Variants in GLIPR1L2 observed in about 807,000 individuals in gnomAD.
The protein encoded by GLIPR1L2 is GLIPR1-like protein 2.
Under a neutral mutation model 28.4 loss-of-function variants are expected in GLIPR1L2, and 21 were observed. The observed-to-expected ratio is 0.74, with a 90% CI of 0.52 to 1.06. The LOEUF (loss-of-function observed/expected upper bound fraction) is 1.06. Ranked by LOEUF, GLIPR1L2 falls within the 50% of genes least tolerant of loss-of-function variation. GLIPR1L2 has a pLI of 0.00. For synonymous variants in GLIPR1L2, 145 were observed against 139.3 expected (o/e 1.04, Z -0.29); for missense variants, 476 against 416.9 (o/e 1.14, Z -1.23).
At chr12:75,407,472 A>C (rs927677478) in intron 1 of GLIPR1L2, among the ~76,000 whole-genome samples, 3 of 152,144 alleles carry the variant, frequency 2.0e-5, no homozygotes, top group African/African-American at 7.2e-5. Context: ...ATAAAACAAA[A>C]TAAAGGGGAG....
In GLIPR1L2 at chr12:75,394,226, A is replaced by G. The variant is rs149584369; in HGVS notation, c.234+2876A>G. On this transcript the variant is annotated intron_variant, in intron 1 of 5. Transcript: ENST00000550916. ...GTTTTGTAAGTTGCCTTTGCACTCT[A>G]TTGATAATATCCTTTGATAAACAAA... Among the ~76,000 whole-genome samples the G allele has an allele frequency of 3.7e-3, 559 of 152,176 alleles. 2 individuals are homozygous for G. The highest frequency in any genetic ancestry group is 0.012 in the African/African-American group (511 of 41,566).
In GLIPR1L2 at chr12:75,431,151, A is replaced by G. The variant is rs776243928; in HGVS notation, c.1025A>G (p.Glu342Gly). 7.9e-5 allele frequency: 60 copies of G among 762,270 alleles called. 2 individuals are homozygous for G. The highest frequency in any genetic ancestry group is 7.2e-4 in the South Asian group (46 of 63,706). 47.2% of individuals were successfully genotyped at this position (762,270 alleles called of 1,614,324 possible). A position where few individuals can be genotyped will look rare whatever the true frequency, so the allele number is the denominator to read the frequency against. The stretch of plus-strand genomic sequence containing the variant: ...ACACAAAAAGAAAAGATGGAGGAAG[A>G]GGAAAAATAAGAGTAGAAAGAGGAG... ...EETQKEKMEE[E>G]EK Residue 342 changes from glutamate to glycine, a missense_variant, in exon 6 of 6, where the codon GAG becomes GGG. Glu to Gly is a moderately conservative substitution (Grantham distance 98, BLOSUM62 -2). Coordinates refer to ENST00000550916, the MANE Select transcript of GLIPR1L2 (RefSeq NM_001270396.2).
intron 2 of GLIPR1L2, among the ~76,000 whole-genome samples, chr12:75,412,955 A>G (rs1306244804): frequency 1.3e-5 from 2 of 151,828 alleles, no homozygotes; most frequent in Non-Finnish European, 2.9e-5. Flanking sequence ...CAAATGTCCA[A>G]CAACGATAGA....
chr12:75,422,443 C>A lies in GLIPR1L2; in HGVS notation c.585-461C>A, dbSNP rs565646963. Among the ~76,000 whole-genome samples, 6 of 152,058 alleles carry A rather than the reference C, an allele frequency of 3.9e-5. No individual in the cohort carries two copies. The East Asian group carries it at 1.2e-3, about 29-fold the overall frequency. On this transcript the variant is annotated intron_variant, in intron 3 of 5. Transcript: ENST00000550916. ...TCAGCCTCCCGAGTAGCTGGGACTA[C>A]AGGCACCTGCCACCGCACCTGGCTA...
Position 75,400,083 on chromosome 12 carries a change from C to CT in GLIPR1L2, c.234+8734dup, listed in dbSNP as rs531848917. 3.9e-5 allele frequency among the ~76,000 whole-genome samples: 6 copies of CT among 152,022 alleles called. No individual in the cohort carries two copies. The South Asian group carries it at 1.2e-3, about 32-fold the overall frequency. ...ACCCACATAAAAGAATACCATACAC[C>CT]TGTGGGGAAAAAAAAGAATGAGAAC... On this transcript the variant is annotated intron_variant, in intron 1 of 5. Transcript: ENST00000550916.
chr12:75,413,251 T>G (rs35898622), intron 2 of GLIPR1L2, among the ~76,000 whole-genome samples: 2 of 150,576 alleles, frequency 1.3e-5, no homozygotes, highest in African/African-American at 4.9e-5. Context: ...TGCTAAATGA[T>G]GAGTTAATGG....
intron 3 of GLIPR1L2, among the ~76,000 whole-genome samples, chr12:75,420,134 A>G (rs2045962201): frequency 6.6e-6 from 1 of 152,198 alleles, no homozygotes; most frequent in African/African-American, 2.4e-5. Context: ...TGAGATGGAA[A>G]AATCGACATC....
chr12:75,418,234 A>T (rs1237613262), intron 3 of GLIPR1L2, among the ~76,000 whole-genome samples: 2 of 152,194 alleles, frequency 1.3e-5, no homozygotes, highest in African/African-American at 4.8e-5. Flanking sequence ...TGGTTAAAGT[A>T]TTTAAGTAAT....
rs777552643 is a variant in GLIPR1L2, at chr12:75,430,996, C to T, written c.870C>T (p.Thr290=). The T allele has an allele frequency of 3.3e-6, 5 of 1,534,608 alleles. No individual in the cohort carries two copies. Among genetic ancestry groups the T allele is most frequent in the Non-Finnish European group, 3.5e-6 (4 of 1,146,280 alleles). The change falls in exon 6 of 6, where the codon ACC becomes ACT. Residue 290 remains threonine, a synonymous_variant. Transcript: ENST00000550916. The stretch of plus-strand genomic sequence containing the variant: ...TGTTGGAACAACAAATGATATTTAC[C>T]CCTGAGGAATCTGAAGCAGGGAATG... The part of the protein sequence containing the change: ...NILLEQQMIF[T]PEESEAGNEE...
intron 1 of GLIPR1L2, among the ~76,000 whole-genome samples, chr12:75,405,205 A>G (rs1475445507): frequency 1.3e-5 from 2 of 152,140 alleles, no homozygotes; most frequent in Non-Finnish European, 2.9e-5. Flanking sequence ...ATTTTGTCTT[A>G]AAATAAAATG....
At chr12:75,429,929 CTTTTCTTTCT>C (rs2046073563) in intron 4 of GLIPR1L2, among the ~76,000 whole-genome samples, 1 of 105,022 alleles carries the variant, frequency 9.5e-6, no homozygotes, top group African/African-American at 3.2e-5. Context: ...CTTTTCTTTT[CTTTTCTTTCT>C]TTTTTTTTTT....
intron 4 of GLIPR1L2, among the ~76,000 whole-genome samples, chr12:75,426,825 A>G (rs6582289): frequency 0.35 from 53,052 of 152,102 alleles, 9,631 homozygotes; most frequent in East Asian, 0.46. Context: ...AGCAAAACCT[A>G]TTATTCAAGT....
chr12:75,394,954 C>A (rs1052951081), intron 1 of GLIPR1L2, among the ~76,000 whole-genome samples: 4 of 151,514 alleles, frequency 2.6e-5, no homozygotes, highest in African/African-American at 9.7e-5. Context: ...TATGTTTTTC[C>A]CTCTTTGGCT....
intron 3 of GLIPR1L2, among the ~76,000 whole-genome samples, chr12:75,414,884 G>A (rs1239792818): frequency 6.6e-6 from 1 of 151,930 alleles, no homozygotes; most frequent in Non-Finnish European, 1.5e-5. Context: ...TTATAGTCTT[G>A]GCAGGGAGAC....
At position 75,391,150 on chromosome 12, in the gene GLIPR1L2, A is replaced by G. The variant is rs1296325199; in HGVS notation, c.34A>G (p.Arg12Gly). 1 of 1,613,960 alleles carries G rather than the reference A, an allele frequency of 6.2e-7. No homozygotes were observed. The highest frequency in any genetic ancestry group is 8.5e-7 in the Non-Finnish European group (1 of 1,179,922). The change falls in exon 1 of 6, where the codon AGG becomes GGG. Residue 12 changes from arginine to glycine, a missense_variant. Physicochemically the swap from Arg to Gly is moderately radical, Grantham distance 125 (BLOSUM62 -2). Transcript: ENST00000550916. Reference protein sequence around the residue: ...EAARPFAREWRAQSLPLAVGG... With the variant: ...EAARPFAREWGAQSLPLAVGG... ...CGCAAGGCCCTTCGCCCGGGAGTGG[A>G]GGGCCCAGTCCCTACCCCTGGCAGT...
At chr12:75,418,257 G>C (rs1379597365) in intron 3 of GLIPR1L2, among the ~76,000 whole-genome samples, 1 of 152,116 alleles carries the variant, frequency 6.6e-6, no homozygotes, top group Non-Finnish European at 1.5e-5. Flanking sequence ...AATTAGGAGA[G>C]CCTACTGGCT....
chr12:75,421,241 A>T (rs1019672499), intron 3 of GLIPR1L2, among the ~76,000 whole-genome samples: 16 of 152,210 alleles, frequency 1.1e-4, no homozygotes, highest in Non-Finnish European at 2.1e-4. Flanking sequence ...TCTAAACAAA[A>T]TGCATTTCTT....
rs575174997 is a variant in GLIPR1L2 at position 75,414,038 on chromosome 12, A to G, written c.584+337A>G. On this transcript the variant is annotated intron_variant, in intron 3 of 5. Transcript: ENST00000550916. ...AAGAAAATTAGATGTGTTGAAATTT[A>G]TTTAGTAAGAATTGTTTCATGAATA... Among the ~76,000 whole-genome samples the G allele has an allele frequency of 1.6e-4, 25 of 152,158 alleles. 1 individual carries two copies. In the South Asian group the frequency reaches 5.2e-3, roughly 31 times the overall value.
At chr12:75,402,762 C>A (rs1029061573) in intron 1 of GLIPR1L2, among the ~76,000 whole-genome samples, 2 of 152,198 alleles carry the variant, frequency 1.3e-5, no homozygotes, top group African/African-American at 4.8e-5. Context: ...ATCACTCTGG[C>A]CTGCCTTCAG....
Sources: allele counts gnomAD v4.1 joint callset (sites outside exome capture counted in the v4.1 genomes callset), GRCh38; gene constraint gnomAD v4.1.1; transcripts MANE v1.5; gene names NCBI Gene and HGNC (gene_info 2026-07-23, HGNC 2026-07-21).